The following PRKCH variants were observed in gnomAD, a reference collection of about 807,000 sequenced individuals.
PRKCH encodes the protein protein kinase C eta.
A neutral mutation model predicts 82.5 loss-of-function variants in PRKCH; 28 were observed. That is an observed-to-expected ratio of 0.34 (90% CI 0.25 to 0.47). The LOEUF (loss-of-function observed/expected upper bound fraction) is 0.47. Ranked by LOEUF, PRKCH falls within the 20% of genes least tolerant of loss-of-function variation. The pLI is 1.00. For synonymous variants in PRKCH, 322 were observed against 327.4 expected, an observed-to-expected ratio of 0.98 and a Z score of 0.18; for missense variants, 705 against 881.8, an observed-to-expected ratio of 0.80 and a Z score of 2.54.
rs144668033 is a variant in PRKCH at position 61,248,100 on chromosome 14, C to T, written c.-19+60432C>T. The stretch of plus-strand genomic sequence containing the variant: ...TGCTAAACGAAATGAGTCAAACATA[C>T]CTCAGTTCTCATGAGTTATATCCCC... On this transcript the variant is annotated intron_variant, in intron 1 of 3. Coordinates refer to the PRKCH transcript ENST00000555185. 2.8e-3 allele frequency among the ~76,000 whole-genome samples: 419 copies of T among 152,218 alleles called. 1 individual carries two copies. Among genetic ancestry groups the T allele is most frequent in the Non-Finnish European group, 4.4e-3 (300 of 68,024 alleles).
At chr14:61,437,766 C>G (rs1312914721) in intron 2 of PRKCH, among the ~76,000 whole-genome samples, 1 of 152,080 alleles carries the variant, frequency 6.6e-6, no homozygotes, top group African/African-American at 2.4e-5. Flanking sequence ...CCTAGGTATT[C>G]ATTCTTCTTC....
At chr14:61,466,692 G>A (rs757162956) in intron 9 of PRKCH, among the ~76,000 whole-genome samples, 3 of 152,180 alleles carry the variant, frequency 2.0e-5, no homozygotes, top group Non-Finnish European at 4.4e-5. Flanking sequence ...AGGGCTGAGC[G>A]AAGTACTCCT....
chr14:61,370,504 A>G (rs1013099264), intron 1 of PRKCH, among the ~76,000 whole-genome samples: 20 of 152,012 alleles, frequency 1.3e-4, no homozygotes, highest in African/African-American at 4.8e-4. Flanking sequence ...ACTGGGTAGA[A>G]AAATGAAAGG....
chr14:61,487,933 C>T (rs1389800799), intron 10 of PRKCH, among the ~76,000 whole-genome samples: 1 of 151,954 alleles, frequency 6.6e-6, no homozygotes, highest in African/African-American at 2.4e-5. Context: ...GCGGGCGGAT[C>T]ACGAGGTCAG....
Position 61,280,361 on chromosome 14 carries a change from G to C in PRKCH, c.-19+92693G>C. The C allele has an allele frequency of 6.2e-7, 1 of 1,613,982 alleles. No individual in the cohort carries two copies. The highest frequency in any genetic ancestry group is 8.5e-7 in the Non-Finnish European group (1 of 1,179,922). On this transcript the variant is annotated intron_variant, in intron 1 of 3. Coordinates refer to the PRKCH transcript ENST00000555185. The surrounding 1 kb of genome is among the most constrained non-coding windows in gnomAD (Gnocchi z 5.0). Reference sequence around the variant, plus strand: ...TGGCGGATGCGCGCGTACAGTTTGCGGAACGTGGGCAGCGCCGCCGTGCGC... The same window carrying C: ...TGGCGGATGCGCGCGTACAGTTTGCCGAACGTGGGCAGCGCCGCCGTGCGC...
At chr14:61,475,839 T>G (rs1309859819) in intron 9 of PRKCH, among the ~76,000 whole-genome samples, 2 of 152,148 alleles carry the variant, frequency 1.3e-5, no homozygotes, top group East Asian at 3.8e-4. Context: ...CTTGAAAACT[T>G]CTTATTTGCC....
At chr14:61,221,758 C>T (rs2044657718) in intron 1 of PRKCH, among the ~76,000 whole-genome samples, 1 of 152,188 alleles carries the variant, frequency 6.6e-6, no homozygotes. Flanking sequence ...CCAGACCCCC[C>T]AGTGTCACCC....
At chr14:61,256,804 C>A (rs2045001688) in intron 1 of PRKCH, among the ~76,000 whole-genome samples, 1 of 152,166 alleles carries the variant, frequency 6.6e-6, no homozygotes, top group Non-Finnish European at 1.5e-5. Flanking sequence ...CTTAACCATG[C>A]AGTATTGATC....
intron 1 of PRKCH, among the ~76,000 whole-genome samples, chr14:61,350,836 T>C (rs1162400931): frequency 1.3e-5 from 2 of 152,220 alleles, no homozygotes; most frequent in Non-Finnish European, 2.9e-5. Flanking sequence ...GTTATAGATC[T>C]TACAGTGCTC....
At chr14:61,279,987 A>C (rs1383394600) in intron 1 of PRKCH, 2 of 1,011,240 alleles carry the variant, frequency 2.0e-6, no homozygotes, top group Non-Finnish European at 2.9e-6. Context: ...CAAAGGGAGG[A>C]AAAGCTAGGC....
intron 1 of PRKCH, among the ~76,000 whole-genome samples, chr14:61,312,639 G>T (rs1161963494): frequency 6.6e-6 from 1 of 152,138 alleles, no homozygotes. Context: ...GGTGAAGGAG[G>T]AGCAAAGGCA....
At chr14:61,354,194 C>T (rs2181988) in intron 1 of PRKCH, among the ~76,000 whole-genome samples, 113,556 of 152,026 alleles carry the variant, frequency 0.75, 42,789 homozygotes, top group Non-Finnish European at 0.79. Context: ...AGATGGTTGG[C>T]ATTTGACCAT....
Position 61,371,348 on chromosome 14 carries a change from C to T in PRKCH, c.364-19877C>T, listed in dbSNP as rs145831110. Among the ~76,000 whole-genome samples, 65 of 151,990 alleles carry T rather than the reference C, an allele frequency of 4.3e-4. 1 individual carries two copies. The highest frequency in any genetic ancestry group is 1.5e-3 in the African/African-American group (63 of 41,368). On this transcript the variant is annotated intron_variant, in intron 1 of 13. Transcript: ENST00000332981. ...TAAACTTCATAGTTTATCAGATTTC[C>T]TTAGATTTTACCTACTGTTCCATTT...
chr14:61,272,537 A>G (rs2045166957), intron 1 of PRKCH, among the ~76,000 whole-genome samples: 1 of 151,494 alleles, frequency 6.6e-6, no homozygotes, highest in Admixed American at 6.6e-5. Context: ...TATTTTTAGT[A>G]GAGACGGGGT....
At position 61,336,850 on chromosome 14, in the gene PRKCH, C is replaced by T. The variant is rs919327391; in HGVS notation, c.363+14386C>T. On this transcript the variant is annotated intron_variant, in intron 1 of 13. Coordinates refer to ENST00000332981, the MANE Select transcript of PRKCH (RefSeq NM_006255.5). ...ATGGGGGGCTGAGGTGGGCAGATTG[C>T]TTGAGGTCTGGAGTTCGAGACCAAC... 5.9e-5 allele frequency among the ~76,000 whole-genome samples: 9 copies of T among 152,036 alleles called. No individual in the cohort carries two copies. The South Asian group carries it at 1.2e-3, about 21-fold the overall frequency.
At chr14:61,226,125 T>C (rs934564697) in intron 1 of PRKCH, among the ~76,000 whole-genome samples, 1 of 152,318 alleles carries the variant, frequency 6.6e-6, no homozygotes, top group African/African-American at 2.4e-5. Context: ...TAGCACAGTC[T>C]TAACCGTAGG....
chr14:61,248,717 G>A (rs1476021871), intron 1 of PRKCH, among the ~76,000 whole-genome samples: 8 of 152,122 alleles, frequency 5.3e-5, no homozygotes, highest in Admixed American at 1.3e-4. Context: ...CCCTCAGAAT[G>A]TGAAGTTAAA....
intron 2 of PRKCH, among the ~76,000 whole-genome samples, chr14:61,402,461 G>A (rs1184229168): frequency 6.6e-6 from 1 of 152,144 alleles, no homozygotes; most frequent in Non-Finnish European, 1.5e-5. Flanking sequence ...ACTTCAACTA[G>A]AACAACATTA....
At chr14:61,231,314 A>T (rs1444836747) in intron 1 of PRKCH, among the ~76,000 whole-genome samples, 2 of 152,040 alleles carry the variant, frequency 1.3e-5, no homozygotes, top group Non-Finnish European at 2.9e-5. Context: ...TGCTTAGAAC[A>T]GTGCTTGGTA....
Sources: gnomAD v4.1 joint callset for allele counts (sites outside exome capture counted in the v4.1 genomes callset) on GRCh38, gnomAD v4.1.1 for gene constraint, Gnocchi (gnomAD v3.1) non-coding constraint, MANE v1.5 for transcripts, NCBI Gene and HGNC (gene_info 2026-07-23, HGNC 2026-07-21) for gene names.